Variants in FARS2 observed in about 807,000 individuals in gnomAD.
FARS2 encodes the protein phenylalanine--tRNA ligase, mitochondrial.
Under a neutral mutation model 46.4 loss-of-function variants are expected in FARS2, and 40 were observed. That is an observed-to-expected ratio of 0.86 (90% CI 0.67 to 1.12). The LOEUF is 1.12. FARS2 is among the 50% of genes most tolerant of loss of function. FARS2 has a pLI of 0.00. For synonymous variants in FARS2, 234 were observed against 214.9 expected, an observed-to-expected ratio of 1.09 and a Z score of -0.78; for missense variants, 513 against 567.9, an observed-to-expected ratio of 0.90 and a Z score of 0.98.
At chr6:5,648,107 CTTTTG>C (rs1777166025) in intron 6 of FARS2, among the ~76,000 whole-genome samples, 1 of 152,236 alleles carries the variant, frequency 6.6e-6, no homozygotes, top group Non-Finnish European at 1.5e-5. Flanking sequence ...AATCAATATA[CTTTTG>C]TTTGGTTTGT....
chr6:5,736,571 A>G (rs1247378164), intron 6 of FARS2, among the ~76,000 whole-genome samples: 1 of 152,166 alleles, frequency 6.6e-6, no homozygotes, highest in East Asian at 1.9e-4. Flanking sequence ...AAGACATGTC[A>G]CCTGATTATT....
chr6:5,329,509 C>A (rs1404683526), intron 1 of FARS2, among the ~76,000 whole-genome samples: 1 of 152,060 alleles, frequency 6.6e-6, no homozygotes. Context: ...CTCTGGGCAC[C>A]AACTGAGTGT....
rs115288430 is a variant in FARS2, at chr6:5,335,000, C to G, written c.-21-33550C>G. ...TCTATCCATAAATTAAGGTTGGGAT[C>G]TGATATTTTGATGGTTTCTATGATG... On this transcript the variant is annotated intron_variant, in intron 1 of 6. Transcript: ENST00000274680. Among the ~76,000 whole-genome samples the G allele has an allele frequency of 4.1e-3, 631 of 152,222 alleles. 3 individuals carry two copies. The highest frequency in any genetic ancestry group is 0.014 in the Middle Eastern group (4 of 294).
At chr6:5,425,746 A>T (rs951733695) in intron 3 of FARS2, among the ~76,000 whole-genome samples, 3 of 152,180 alleles carry the variant, frequency 2.0e-5, no homozygotes, top group Non-Finnish European at 4.4e-5. Flanking sequence ...GTCCCACTTG[A>T]GTGATTGCTT....
chr6:5,578,429 G>A (rs1397982973), intron 5 of FARS2, among the ~76,000 whole-genome samples: 3 of 152,124 alleles, frequency 2.0e-5, no homozygotes, highest in African/African-American at 7.2e-5. Flanking sequence ...AAAAAGCCTG[G>A]ATTCATGGGG....
chr6:5,384,455 C>CCA (rs1483334866), intron 2 of FARS2, among the ~76,000 whole-genome samples: 1 of 152,182 alleles, frequency 6.6e-6, no homozygotes, highest in East Asian at 1.9e-4. Flanking sequence ...CTTCTGCCGG[C>CCA]CACATGGCTG....
At chr6:5,609,538 G>A (rs1256274077) in intron 5 of FARS2, 10 of 1,271,228 alleles carry the variant, frequency 7.9e-6, no homozygotes, top group East Asian at 2.3e-5. Flanking sequence ...TTTCCTCCAT[G>A]ACCAAAGTTG....
intron 1 of FARS2, among the ~76,000 whole-genome samples, chr6:5,365,425 G>A (rs113220109): frequency 1.3e-3 from 184 of 145,044 alleles, no homozygotes; most frequent in Non-Finnish European, 2.3e-3. Flanking sequence ...TGAACTCCTG[G>A]GTTCATGCAG....
intron 6 of FARS2, among the ~76,000 whole-genome samples, chr6:5,700,657 A>G (rs1758373505): frequency 6.6e-6 from 1 of 152,084 alleles, no homozygotes; most frequent in East Asian, 1.9e-4. Context: ...CGGCCTCCCA[A>G]AGTGCTGGGA....
intron 4 of FARS2, among the ~76,000 whole-genome samples, chr6:5,479,245 C>T (rs1445102145): frequency 3.9e-5 from 6 of 152,212 alleles, no homozygotes; most frequent in African/African-American, 9.6e-5. Flanking sequence ...CAACATTTAA[C>T]ATGCTGCCTA....
chr6:5,548,201 C>G (rs1406280160), intron 5 of FARS2, among the ~76,000 whole-genome samples: 1 of 152,190 alleles, frequency 6.6e-6, no homozygotes, highest in African/African-American at 2.4e-5. Flanking sequence ...CTGAGTTGCT[C>G]CCACAACATG....
chr6:5,330,185 C>A (rs1333802324), intron 1 of FARS2, among the ~76,000 whole-genome samples: 1 of 152,122 alleles, frequency 6.6e-6, no homozygotes, highest in Non-Finnish European at 1.5e-5. Context: ...AATCAAGATA[C>A]CACAGAAATT....
intron 5 of FARS2, among the ~76,000 whole-genome samples, chr6:5,584,141 A>ACACACACACACACT (rs1561731442): frequency 2.0e-5 from 3 of 146,474 alleles, no homozygotes; most frequent in African/African-American, 5.1e-5. Context: ...ACACACACAC[A>ACACACACACACACT]CTCCTTGAGT....
rs541100722 is a variant in FARS2 at position 5,479,397 on chromosome 6, C to T, written c.904+48225C>T. Among the ~76,000 whole-genome samples the T allele has an allele frequency of 7.2e-5, 11 of 152,282 alleles. No homozygotes were observed. The South Asian group carries it at 2.3e-3, about 32-fold the overall frequency. ...TAGAGTGCATTTTAGGAGGCTGAAGCAGGAATTGAGTTCTACTTTGCTTTA... is the reference window on the plus strand; with the variant it reads ...TAGAGTGCATTTTAGGAGGCTGAAGTAGGAATTGAGTTCTACTTTGCTTTA... On this transcript the variant is annotated intron_variant, in intron 4 of 6. Coordinates refer to ENST00000274680, the MANE Select transcript of FARS2 (RefSeq NM_006567.5).
At chr6:5,411,096 T>C (rs1562020787) in intron 3 of FARS2, among the ~76,000 whole-genome samples, 1 of 151,960 alleles carries the variant, frequency 6.6e-6, no homozygotes, top group Non-Finnish European at 1.5e-5. Flanking sequence ...AGCCATGATG[T>C]CCCCCTGGCC....
chr6:5,260,841 C>G, upstream of FARS2: 1 of 1,505,728 alleles, frequency 6.6e-7, no homozygotes, highest in Non-Finnish European at 8.8e-7. Flanking sequence ...TAAAATGCTG[C>G]GGCTCGGCTT....
chr6:5,550,566 A>G (rs1383748710), intron 5 of FARS2, among the ~76,000 whole-genome samples: 5 of 151,948 alleles, frequency 3.3e-5, no homozygotes, highest in African/African-American at 9.7e-5. Context: ...ACTGTGCCTT[A>G]CCTCCTTTTT....
At chr6:5,721,099 G>T (rs567491097) in intron 6 of FARS2, among the ~76,000 whole-genome samples, 3 of 152,106 alleles carry the variant, frequency 2.0e-5, no homozygotes, top group East Asian at 3.9e-4. Flanking sequence ...CATTTTAAAA[G>T]ATTTTATTAT....
the FARS2 span, among the ~76,000 whole-genome samples, chr6:5,255,056 T>C: frequency 6.6e-6 from 1 of 152,148 alleles, no homozygotes; most frequent in Admixed American, 6.5e-5. Flanking sequence ...GGATATTGCT[T>C]AGACAAGCCA....
Sources: gnomAD v4.1 joint callset for allele counts (sites outside exome capture counted in the v4.1 genomes callset) on GRCh38, gnomAD v4.1.1 for gene constraint, MANE v1.5 for transcripts, NCBI Gene and HGNC (gene_info 2026-07-23, HGNC 2026-07-21) for gene names.